The following ZNF469 variants were observed in gnomAD, a reference collection of about 807,000 sequenced individuals.
ZNF469 encodes zinc finger protein 469.
Under a neutral mutation model 1.0 loss-of-function variants are expected in ZNF469, and 1 was observed. The observed-to-expected ratio is 1.00, with a 90% CI of 0.35 to 4.73. The LOEUF is 4.73. Ranked by LOEUF, ZNF469 falls within the 30% of genes most tolerant of loss-of-function variation. ZNF469 has a pLI of 0.16. For synonymous variants in ZNF469, 2,703 were observed against 2,363.4 expected (o/e 1.14, Z -4.17); for missense variants, 6,100 against 5,356.3 (o/e 1.14, Z -4.33).
chr16:88,132,851 G>A, the ZNF469 span, among the ~76,000 whole-genome samples: 2 of 152,288 alleles, frequency 1.3e-5, no homozygotes, highest in Admixed American at 1.3e-4. Flanking sequence ...AGGGTGAAGC[G>A]AATTTGGACA....
At chr16:88,223,869 G>A in the ZNF469 span, among the ~76,000 whole-genome samples, 1,055 of 152,316 alleles carry the variant, frequency 6.9e-3, 3 homozygotes, top group Non-Finnish European at 0.011. Flanking sequence ...CGCAGGCCTC[G>A]CCTGTCTTAC....
the ZNF469 span, among the ~76,000 whole-genome samples, chr16:88,360,250 C>A: frequency 1.3e-5 from 2 of 151,834 alleles, no homozygotes; most frequent in Admixed American, 1.3e-4. Context: ...AAACTCCTGA[C>A]CTCAGGTGAT....
chr16:88,325,994 G>C, the ZNF469 span, among the ~76,000 whole-genome samples: 1 of 152,224 alleles, frequency 6.6e-6, no homozygotes, highest in African/African-American at 2.4e-5. Context: ...CACTGTGCCT[G>C]TGATTGCGCC....
At chr16:88,406,544 G>T (rs1319649090) in intron 1 of ZNF469, among the ~76,000 whole-genome samples, 3 of 152,216 alleles carry the variant, frequency 2.0e-5, no homozygotes, top group Admixed American at 6.5e-5. Context: ...CCCGTGCTTT[G>T]GTTCTTCTCA....
At chr16:88,419,638 G>C (rs1269685494) in intron 1 of ZNF469, among the ~76,000 whole-genome samples, 1 of 152,108 alleles carries the variant, frequency 6.6e-6, no homozygotes, top group East Asian at 1.9e-4. Context: ...GCCCATGCTG[G>C]TCCCACCCCT....
Position 88,436,161 on chromosome 16 carries a change from G to T in ZNF469, c.8691G>T (p.Glu2897Asp). The T allele has an allele frequency of 6.5e-7, 1 of 1,547,892 alleles. No individual in the cohort carries two copies. The highest frequency in any genetic ancestry group is 8.7e-7 in the Non-Finnish European group (1 of 1,146,974). The part of the protein sequence containing the change: ...LPLPTQPSFE[E>D]GGDPTLGPAR... ...TGCCAACCCAGCCCAGCTTTGAGGA[G>T]GGCGGTGACCCCACGCTGGGCCCAG... is the stretch of plus-strand genomic sequence containing the variant. The change falls in exon 3 of 3, where the codon GAG becomes GAT. Residue 2897 changes from glutamate (E) to aspartate (D), a missense_variant. Glu to Asp is a conservative substitution (Grantham distance 45, BLOSUM62 2). Coordinates refer to ENST00000565624, the MANE Select transcript of ZNF469 (RefSeq NM_001367624.2).
In ZNF469 at chr16:88,428,315, G is replaced by A. The variant is rs757999676; in HGVS notation, c.845G>A (p.Gly282Glu). 6.0e-4 allele frequency: 934 copies of A among 1,550,216 alleles called. No homozygotes were observed. The highest frequency in any genetic ancestry group is 7.8e-4 in the Non-Finnish European group (895 of 1,146,920). The change falls in exon 3 of 3, where the codon GGG becomes GAG. Residue 282 changes from glycine to glutamate, a missense_variant. Transcript: ENST00000565624. ...CAGTTCCCCTTCCCGGCACTGCATGGGGCCAGCACAAAACCCTTCCCTGCG... is the reference window on the plus strand; with the variant it reads ...CAGTTCCCCTTCCCGGCACTGCATGAGGCCAGCACAAAACCCTTCCCTGCG... ...SFQFPFPALH[G>E]ASTKPFPADV... is the part of the protein sequence containing the mutation.
the ZNF469 span, among the ~76,000 whole-genome samples, chr16:88,310,915 G>A: frequency 2.0e-5 from 3 of 152,054 alleles, no homozygotes; most frequent in South Asian, 2.1e-4. Context: ...ACCCTCTCAC[G>A]GTGCCTTTGT....
chr16:88,247,170 CTGAG>C, the ZNF469 span, among the ~76,000 whole-genome samples: 130 of 144,042 alleles, frequency 9.0e-4, 2 homozygotes, highest in Middle Eastern at 0.01. Flanking sequence ...TCGTGAATGA[CTGAG>C]TGAATGAGTG....
chr16:88,305,256 A>T, the ZNF469 span, among the ~76,000 whole-genome samples: 6 of 144,362 alleles, frequency 4.2e-5, no homozygotes, highest in Non-Finnish European at 9.1e-5. Context: ...GCACACACGC[A>T]TGCACACCCT....
At chr16:88,247,166 A>G in the ZNF469 span, among the ~76,000 whole-genome samples, 1 of 151,640 alleles carries the variant, frequency 6.6e-6, no homozygotes, top group African/African-American at 2.4e-5. Context: ...TGAATCGTGA[A>G]TGACTGAGTG....
At position 88,431,526 on chromosome 16, in the gene ZNF469, T is replaced by G. The variant is rs568223916; in HGVS notation, c.4056T>G (p.Phe1352Leu). The G allele has an allele frequency of 1.9e-6, 3 of 1,550,454 alleles. No homozygotes were observed. The East Asian group carries it at 7.3e-5, about 38-fold the overall frequency. Reference sequence around the variant, plus strand: ...TTCTGTCTTCAAAGATCTCCAGTTTTGGCTGTGACCCTGCTGGTTTTAACA... The same window carrying G: ...TTCTGTCTTCAAAGATCTCCAGTTTGGGCTGTGACCCTGCTGGTTTTAACA... ...PSVLSSKISS[F>L]GCDPAGFNRD... The change falls in exon 3 of 3, where the codon TTT (phenylalanine) becomes TTG (leucine). Residue 1352 changes from phenylalanine (F) to leucine (L), a missense_variant. Phe to Leu is a conservative substitution (Grantham distance 22). Coordinates refer to ENST00000565624, the MANE Select transcript of ZNF469 (RefSeq NM_001367624.2).
the ZNF469 span, among the ~76,000 whole-genome samples, chr16:88,339,936 A>AC: frequency 7.1e-6 from 1 of 140,278 alleles, no homozygotes; most frequent in African/African-American, 3.0e-5. Context: ...AGTGTTGGGG[A>AC]CGGGCCACCC....
the ZNF469 span, among the ~76,000 whole-genome samples, chr16:88,243,562 G>A: frequency 6.6e-6 from 1 of 152,264 alleles, no homozygotes; most frequent in South Asian, 2.1e-4. Context: ...CGAGCAGAGG[G>A]AGTAGAGCAT....
chr16:88,422,870 GA>G (rs1905533687), intron 1 of ZNF469, among the ~76,000 whole-genome samples: 1 of 128,030 alleles, frequency 7.8e-6, no homozygotes, highest in African/African-American at 2.8e-5. Context: ...GATGATGGAT[GA>G]GTGAATGGAT....
chr16:88,430,272 C>T lies in ZNF469; in HGVS notation c.2802C>T (p.Thr934=), dbSNP rs1267565818. ...CGCGTTCCCTGGGTCTGGCCCCCAC[C>T]GAGGCGGATGCGCCCAGCCAGGGCA... ...PKTRSLGLAP[T]EADAPSQGRQ... Residue 934 remains threonine, a synonymous_variant, in exon 3 of 3, where the codon ACC becomes ACT. Transcript: ENST00000565624. The T allele has an allele frequency of 4.6e-6, 7 of 1,516,112 alleles. No homozygotes were observed. The highest frequency in any genetic ancestry group is 2.0e-5 in the Admixed American group (1 of 48,924). 93.9% of individuals were successfully genotyped at this position (1,516,112 alleles called of 1,614,324 possible). A position where few individuals can be genotyped will look rare whatever the true frequency, so the allele number is the denominator to read the frequency against.
chr16:88,436,338 C>A lies in ZNF469; in HGVS notation c.8868C>A (p.Pro2956=). 1 of 1,549,498 alleles carries A rather than the reference C, an allele frequency of 6.5e-7. No individual in the cohort carries two copies. ...TGCCTGGCATTGACCCCTGGGCCCC[C>A]GGCCTCAGCCTGTGGGCCCTGGAGC... ...SRVPGIDPWA[P]GLSLWALEPS... is the part of the protein sequence containing the mutation. Residue 2956 remains proline, a synonymous_variant, in exon 3 of 3, where the codon CCC becomes CCA. Transcript: ENST00000565624.
chr16:88,317,498 C>G, the ZNF469 span, among the ~76,000 whole-genome samples: 1 of 152,220 alleles, frequency 6.6e-6, no homozygotes, highest in African/African-American at 2.4e-5. Context: ...GGCCACGGGC[C>G]TGTGGTCCAG....
the ZNF469 span, among the ~76,000 whole-genome samples, chr16:88,214,621 A>G: frequency 6.6e-6 from 1 of 152,132 alleles, no homozygotes. Flanking sequence ...CGTCATCTAC[A>G]TTAGGTATTT....
Sources: allele counts gnomAD v4.1 joint callset (sites outside exome capture counted in the v4.1 genomes callset), GRCh38; gene constraint gnomAD v4.1.1; transcripts MANE v1.5; gene names NCBI Gene and HGNC (gene_info 2026-07-23, HGNC 2026-07-21).